The following USP32 variants were observed in gnomAD, a reference collection of about 807,000 sequenced individuals.
The protein encoded by USP32 is ubiquitin carboxyl-terminal hydrolase 32.
In USP32, 59 loss-of-function variants were observed where a neutral mutation model predicts 204.8. The observed-to-expected ratio is 0.29, with a 90% CI of 0.23 to 0.36. The LOEUF is 0.36. USP32 is among the 10% of genes least tolerant of loss of function. The pLI is 1.00. For missense variants in USP32, 1,160 were observed against 1,946.4 expected (o/e 0.60, Z 7.60); for synonymous variants, 517 against 678.4 (o/e 0.76, Z 3.70).
upstream of USP32, among the ~76,000 whole-genome samples, chr17:60,394,813 G>A (rs1237071382): frequency 1.3e-5 from 2 of 151,974 alleles, no homozygotes; most frequent in East Asian, 1.9e-4. Context: ...GCGCAATCTC[G>A]GTTCACTGCA....
intron 4 of USP32, among the ~76,000 whole-genome samples, chr17:60,291,661 GCAAT>G (rs898372182): frequency 1.2e-4 from 19 of 152,016 alleles, no homozygotes; most frequent in African/African-American, 4.6e-4. Context: ...TGTTCTACAT[GCAAT>G]CATCGACACA....
chr17:60,276,093 T>C (rs1453325063), intron 5 of USP32, among the ~76,000 whole-genome samples: 1 of 152,086 alleles, frequency 6.6e-6, no homozygotes, highest in Non-Finnish European at 1.5e-5. Context: ...TTAAAATATA[T>C]AACGGCTGGG....
At chr17:60,315,645 T>C (rs183305380) in intron 2 of USP32, among the ~76,000 whole-genome samples, 6 of 152,164 alleles carry the variant, frequency 3.9e-5, no homozygotes, top group Admixed American at 2.0e-4. Context: ...AGCAGCATTA[T>C]TGACAATAGA....
Position 60,177,847 on chromosome 17 carries a change from G to A in USP32, c.*1408C>T, listed in dbSNP as rs1193318082. ...TACATTGGTAATTACTATCTATGAG[G>A]AAGAAAGGGTAGTGGAATCTGACAA... is the stretch of plus-strand genomic sequence containing the variant. On this transcript the variant is annotated 3_prime_UTR_variant, in exon 34 of 34. Coordinates refer to ENST00000300896, the MANE Select transcript of USP32 (RefSeq NM_032582.4). Among the ~76,000 whole-genome samples, 1 of 152,120 alleles carries A rather than the reference G, an allele frequency of 6.6e-6. No individual in the cohort carries two copies. The highest frequency in any genetic ancestry group is 1.5e-5 in the Non-Finnish European group (1 of 68,018).
intron 2 of USP32, among the ~76,000 whole-genome samples, chr17:60,305,468 C>A (rs1283435788): frequency 6.6e-6 from 1 of 152,174 alleles, no homozygotes; most frequent in East Asian, 1.9e-4. Flanking sequence ...CCACGAGGCC[C>A]CACCTCCAAC....
At chr17:60,203,396 C>CAAAA (rs554691150) in intron 26 of USP32, among the ~76,000 whole-genome samples, 9 of 24,362 alleles carry the variant, frequency 3.7e-4, no homozygotes, top group Non-Finnish European at 5.3e-4. Flanking sequence ...GCGAGACTGT[C>CAAAA]AAAAAAAAAA....
Position 60,179,170 on chromosome 17 carries a change from C to T in USP32, c.*85G>A. On this transcript the variant is annotated 3_prime_UTR_variant, in exon 34 of 34. Coordinates refer to ENST00000300896, the MANE Select transcript of USP32 (RefSeq NM_032582.4). The stretch of plus-strand genomic sequence containing the variant: ...GGATAAAATAACTACATTTAGCTTG[C>T]CTTTCAGTGACGCTTTTGCCAAATG... 6.9e-7 allele frequency: 1 copy of T among 1,453,166 alleles called. No individual in the cohort carries two copies. The highest frequency in any genetic ancestry group is 9.3e-7 in the Non-Finnish European group (1 of 1,073,352). The allele number at this position is 1,453,166 out of a possible 1,614,324, so 90.0% of individuals were successfully genotyped here. A position where few individuals can be genotyped will look rare whatever the true frequency, so the allele number is the denominator to read the frequency against.
At chr17:60,406,556 C>T (rs905238524) in intron 1 of USP32, among the ~76,000 whole-genome samples, 47 of 151,354 alleles carry the variant, frequency 3.1e-4, no homozygotes, top group African/African-American at 1.0e-3. Context: ...TGCTCTGTCA[C>T]CCAGGCTGGA....
intron 10 of USP32, among the ~76,000 whole-genome samples, chr17:60,254,044 G>A (rs1382613919): frequency 6.6e-6 from 1 of 152,100 alleles, no homozygotes; most frequent in African/African-American, 2.4e-5. Flanking sequence ...TTGCAGACAA[G>A]TTATTCTTTG....
intron 19 of USP32, 93 bp downstream of exon 19, chr17:60,211,931 A>T (rs2084978155): frequency 8.7e-7 from 1 of 1,151,236 alleles, no homozygotes; most frequent in East Asian, 2.8e-5. Context: ...TGAACTAGAA[A>T]ACCAAAAGTT....
chr17:60,416,934 T>C (rs76705591), intron 1 of USP32, among the ~76,000 whole-genome samples: 1 of 151,908 alleles, frequency 6.6e-6, no homozygotes, highest in Non-Finnish European at 1.5e-5. Flanking sequence ...TTTTTTTTTT[T>C]TGAGACAGAG....
chr17:60,220,479 TA>T (rs908200494), intron 15 of USP32, among the ~76,000 whole-genome samples: 1 of 152,062 alleles, frequency 6.6e-6, no homozygotes, highest in South Asian at 2.1e-4. Flanking sequence ...AATTTGGATG[TA>T]AAAAAAACTC....
At chr17:60,279,648 G>A (rs1038305370) in intron 5 of USP32, among the ~76,000 whole-genome samples, 4 of 151,770 alleles carry the variant, frequency 2.6e-5, no homozygotes, top group Non-Finnish European at 4.4e-5. Flanking sequence ...GCCAGCCCGG[G>A]CAACATGGTA....
In USP32 at chr17:60,269,514, A is replaced by G. The variant is rs751730800; in HGVS notation, c.747T>C (p.Asp249=). The change falls in exon 7 of 34, where the codon GAT becomes GAC. Residue 249 remains aspartate (D), a synonymous_variant. Transcript: ENST00000300896. The part of the protein sequence containing the change: ...AFDENRDNHI[D]FKEISCGLSA... ...ATAACCCACAGGATATCTCCTTAAAATCTATGTGATTGTCACGATTTTCAT... is the reference window on the plus strand; with the variant it reads ...ATAACCCACAGGATATCTCCTTAAAGTCTATGTGATTGTCACGATTTTCAT... 6.2e-7 allele frequency: 1 copy of G among 1,611,316 alleles called. No individual in the cohort carries two copies. The highest frequency in any genetic ancestry group is 1.7e-5 in the Admixed American group (1 of 59,374).
intron 2 of USP32, among the ~76,000 whole-genome samples, chr17:60,308,096 C>A (rs142037093): frequency 6.6e-6 from 1 of 152,208 alleles, no homozygotes. Flanking sequence ...CTGCTGAGAG[C>A]TACTTCTACC....
intron 1 of USP32, among the ~76,000 whole-genome samples, chr17:60,388,387 GA>G (rs766962890): frequency 1.3e-5 from 2 of 151,124 alleles, no homozygotes; most frequent in Non-Finnish European, 2.9e-5. Flanking sequence ...TAAGACAGAA[GA>G]ATTAAAAAAC....
intron 21 of USP32, among the ~76,000 whole-genome samples, chr17:60,210,073 A>C (rs2627865): frequency 9.0e-3 from 1,160 of 128,180 alleles, no homozygotes; most frequent in Non-Finnish European, 0.012. Context: ...TGCATCCTAA[A>C]TTTTATTAAC....
chr17:60,201,106 C>A (rs1352102437), intron 26 of USP32, among the ~76,000 whole-genome samples: 1 of 152,162 alleles, frequency 6.6e-6, no homozygotes, highest in African/African-American at 2.4e-5. Context: ...AATCGGCCCA[C>A]CTCAGCCTCC....
intron 1 of USP32, among the ~76,000 whole-genome samples, chr17:60,414,836 A>C (rs1232100675): frequency 1.4e-5 from 2 of 139,808 alleles, no homozygotes; most frequent in African/African-American, 2.6e-5. Flanking sequence ...CCAGATTTTT[A>C]TTTTTCTTTT....
Sources: allele counts gnomAD v4.1 joint callset (sites outside exome capture counted in the v4.1 genomes callset), GRCh38; gene constraint gnomAD v4.1.1; transcripts MANE v1.5; gene names NCBI Gene and HGNC (gene_info 2026-07-23, HGNC 2026-07-21).